Variants in DACH2 observed in about 807,000 individuals in gnomAD.
DACH2 encodes dachshund family transcription factor 2.
DACH2 carries 17 observed loss-of-function variants against 35.8 expected under a neutral mutation model. The observed-to-expected ratio is 0.48, with a 90% CI of 0.33 to 0.71. The LOEUF (loss-of-function observed/expected upper bound fraction) is 0.71, where lower values mean the gene tolerates loss of function less well. Among genes scored for constraint, DACH2 ranks in the 30% least tolerant of loss-of-function variants. The pLI is 0.02. For missense variants in DACH2, 469 were observed against 472.7 expected (o/e 0.99, Z 0.07); for synonymous variants, 195 against 177.3 (o/e 1.10, Z -0.79).
At chrX:86,368,261 A>G (rs919348271) in intron 1 of DACH2, among the ~76,000 whole-genome samples, 2 of 112,015 alleles carry the variant, frequency 1.8e-5, no homozygotes, top group East Asian at 5.6e-4. Flanking sequence ...TCACTCACAG[A>G]TATTCAATGT....
intron 1 of DACH2, among the ~76,000 whole-genome samples, chrX:86,196,877 GAGAC>G (rs2032005272): frequency 9.1e-6 from 1 of 109,930 alleles, no homozygotes; most frequent in Non-Finnish European, 1.9e-5. Context: ...CCTAGCTAGA[GAGAC>G]AGACATTCAA....
chrX:86,576,854 C>G (rs781637324), intron 3 of DACH2, among the ~76,000 whole-genome samples: 1 of 110,593 alleles, frequency 9.0e-6, no homozygotes, highest in Non-Finnish European at 1.9e-5. Context: ...TCATCTCCCT[C>G]TCTCACTTCC....
At chrX:86,743,127 C>G (rs752700372) in intron 7 of DACH2, among the ~76,000 whole-genome samples, 1 of 111,325 alleles carries the variant, frequency 9.0e-6, no homozygotes, top group Admixed American at 9.6e-5. Context: ...TTCCCTCAAT[C>G]CTTGAAAGTT....
chrX:86,546,360 T>C (rs959667802), intron 3 of DACH2, among the ~76,000 whole-genome samples: 1 of 40,995 alleles, frequency 2.4e-5, no homozygotes, highest in Non-Finnish European at 4.2e-5. Context: ...CTTCTTCCTC[T>C]TCTTCTTCTT....
chrX:86,173,001 G>A (rs756649001), intron 1 of DACH2, among the ~76,000 whole-genome samples: 46 of 111,891 alleles, frequency 4.1e-4, no homozygotes, highest in Middle Eastern at 4.6e-3. Flanking sequence ...TAATATTGAA[G>A]CATAAAATTT....
At chrX:86,736,670 C>T (rs1164221629) in intron 6 of DACH2, among the ~76,000 whole-genome samples, 1 of 111,267 alleles carries the variant, frequency 9.0e-6, no homozygotes, top group Non-Finnish European at 1.9e-5. Context: ...CAGTTGGATT[C>T]TCTTGCTTTT....
chrX:86,397,470 G>A (rs1171128850), intron 2 of DACH2, among the ~76,000 whole-genome samples: 1 of 110,989 alleles, frequency 9.0e-6, no homozygotes, highest in Non-Finnish European at 1.9e-5. Flanking sequence ...TCTTGTGCCA[G>A]TTTTCAAAGG....
chrX:86,827,366 C>T (rs2042571832), intron 11 of DACH2, among the ~76,000 whole-genome samples: 1 of 111,000 alleles, frequency 9.0e-6, no homozygotes, highest in African/African-American at 3.3e-5. Flanking sequence ...AAGCTAGTTA[C>T]GCATTTTGCT....
Position 86,289,727 on chromosome X carries a change from C to T in DACH2, c.489-87097C>T, listed in dbSNP as rs759827405. On this transcript the variant is annotated intron_variant, in intron 1 of 11. Coordinates refer to ENST00000373125, the MANE Select transcript of DACH2 (RefSeq NM_053281.3). Reference sequence around the variant, plus strand: ...GAGAATGATGATTTCCAATTTCCTCCATGTCCCTACAAAGGACATGAACTC... The same window carrying T: ...GAGAATGATGATTTCCAATTTCCTCTATGTCCCTACAAAGGACATGAACTC... Among the ~76,000 whole-genome samples, 29 of 108,841 alleles carry T rather than the reference C, an allele frequency of 2.7e-4. No homozygotes were observed. In the South Asian group the frequency reaches 0.012, roughly 45 times the overall value. The allele number at this position is 108,841 out of a possible 115,157, so 94.5% of individuals were successfully genotyped here.
At chrX:86,528,108 C>A (rs763346624) in intron 3 of DACH2, among the ~76,000 whole-genome samples, 1 of 111,196 alleles carries the variant, frequency 9.0e-6, no homozygotes, top group African/African-American at 3.3e-5. Context: ...GCGTCATGGA[C>A]CTTGATGTTG....
chrX:86,466,403 G>C (rs1389589873), intron 2 of DACH2, among the ~76,000 whole-genome samples: 1 of 110,164 alleles, frequency 9.1e-6, no homozygotes, highest in Non-Finnish European at 1.9e-5. Flanking sequence ...TATTGTGGGA[G>C]TACAATACAA....
chrX:86,310,158 T>C (rs2034768678), intron 1 of DACH2, among the ~76,000 whole-genome samples: 1 of 112,087 alleles, frequency 8.9e-6, no homozygotes, highest in African/African-American at 3.2e-5. Context: ...TGACTATGGG[T>C]CATCAAGTCA....
chrX:86,796,401 C>T (rs866734514), intron 7 of DACH2, among the ~76,000 whole-genome samples: 1 of 111,716 alleles, frequency 9.0e-6, no homozygotes, highest in African/African-American at 3.3e-5. Flanking sequence ...CCCCACTCAA[C>T]CCAGGAAGTC....
At chrX:86,402,859 G>T (rs776816852) in intron 2 of DACH2, among the ~76,000 whole-genome samples, 2 of 111,882 alleles carry the variant, frequency 1.8e-5, no homozygotes, top group Admixed American at 9.5e-5. Flanking sequence ...GTATGGAACA[G>T]AAAACTAAGA....
At chrX:86,424,042 T>C (rs1278285762) in intron 2 of DACH2, among the ~76,000 whole-genome samples, 1 of 111,201 alleles carries the variant, frequency 9.0e-6, no homozygotes, top group Non-Finnish European at 1.9e-5. Context: ...CATTACTATA[T>C]ATGTCAGTTT....
At chrX:86,665,088 A>T (rs183964891) in intron 4 of DACH2, among the ~76,000 whole-genome samples, 110 of 111,745 alleles carry the variant, frequency 9.8e-4, no homozygotes, top group African/African-American at 3.4e-3. Context: ...TTTCTTAACC[A>T]TTTTGCCTTC....
intron 3 of DACH2, among the ~76,000 whole-genome samples, chrX:86,597,384 C>A (rs1195561768): frequency 8.9e-6 from 1 of 111,814 alleles, no homozygotes; most frequent in African/African-American, 3.2e-5. Flanking sequence ...TTTTATTAAT[C>A]TCAAACTACT....
intron 2 of DACH2, among the ~76,000 whole-genome samples, chrX:86,472,998 CA>C (rs2037784201): frequency 9.0e-6 from 1 of 111,263 alleles, no homozygotes; most frequent in Non-Finnish European, 1.9e-5. Flanking sequence ...TTTTGTCCTA[CA>C]GTTCCAAGTT....
At chrX:86,445,190 G>A (rs904439416) in intron 2 of DACH2, among the ~76,000 whole-genome samples, 1 of 109,592 alleles carries the variant, frequency 9.1e-6, no homozygotes, top group East Asian at 2.9e-4. Context: ...TATCCCATAG[G>A]ATTTGGTATG....
Sources: allele counts gnomAD v4.1 joint callset (sites outside exome capture counted in the v4.1 genomes callset), GRCh38; gene constraint gnomAD v4.1.1; transcripts MANE v1.5; gene names NCBI Gene and HGNC (gene_info 2026-07-23, HGNC 2026-07-21).